The following ADGRL3 variants were observed in gnomAD, a reference collection of about 807,000 sequenced individuals.
The protein encoded by ADGRL3 is adhesion G protein-coupled receptor L3.
A neutral mutation model predicts 153.5 loss-of-function variants in ADGRL3; 62 were observed. That is an observed-to-expected ratio of 0.40 (90% CI 0.33 to 0.50). ADGRL3 has a LOEUF of 0.50. Ranked by LOEUF, ADGRL3 falls within the 20% of genes least tolerant of loss-of-function variation. The pLI, the probability that ADGRL3 is intolerant of heterozygous loss-of-function variation, is 0.47. For synonymous variants in ADGRL3, 710 were observed against 672.5 expected (o/e 1.06, Z -0.86); for missense variants, 1,641 against 1,859.4 (o/e 0.88, Z 2.16).
chr4:62,010,218 G>T (rs2099178695), intron 21 of ADGRL3, among the ~76,000 whole-genome samples: 1 of 152,056 alleles, frequency 6.6e-6, no homozygotes, highest in Admixed American at 6.6e-5. Context: ...AGAGGAGGCT[G>T]AACATTCTAC....
intron 4 of ADGRL3, among the ~76,000 whole-genome samples, chr4:61,539,294 C>T (rs2098676140): frequency 6.6e-6 from 1 of 152,184 alleles, no homozygotes; most frequent in South Asian, 2.1e-4. Context: ...AGGAGAGCCT[C>T]TGCTGTGTCT....
chr4:61,203,704 A>G (rs2148713977), intron 1 of ADGRL3, among the ~76,000 whole-genome samples: 1 of 152,336 alleles, frequency 6.6e-6, no homozygotes, highest in South Asian at 2.1e-4. Context: ...GAATAAACAG[A>G]GTTTGGTAAG....
intron 11 of ADGRL3, among the ~76,000 whole-genome samples, chr4:61,896,087 A>G (rs2098629820): frequency 6.6e-6 from 1 of 152,142 alleles, no homozygotes; most frequent in African/African-American, 2.4e-5. Context: ...ATTGTGCACT[A>G]CAGCTATAAA....
At chr4:61,805,450 G>A (rs1308870735) in intron 8 of ADGRL3, among the ~76,000 whole-genome samples, 1 of 152,128 alleles carries the variant, frequency 6.6e-6, no homozygotes, top group African/African-American at 2.4e-5. Flanking sequence ...CCTCTTTGTT[G>A]TGACTTCCCT....
intron 1 of ADGRL3, among the ~76,000 whole-genome samples, chr4:61,227,409 G>A (rs1748481182): frequency 6.6e-6 from 1 of 151,938 alleles, no homozygotes; most frequent in African/African-American, 2.4e-5. Flanking sequence ...GGTTCTCCCT[G>A]CGTTTCCCAG....
At chr4:61,963,247 CTA>C (rs1438585279) in intron 17 of ADGRL3, among the ~76,000 whole-genome samples, 7 of 150,014 alleles carry the variant, frequency 4.7e-5, no homozygotes, top group Non-Finnish European at 8.9e-5. Context: ...TTTACTATGA[CTA>C]TTTTTTTTTT....
At chr4:61,555,953 C>A (rs891444382) in intron 4 of ADGRL3, among the ~76,000 whole-genome samples, 1 of 152,084 alleles carries the variant, frequency 6.6e-6, no homozygotes, top group African/African-American at 2.4e-5. Flanking sequence ...TTTACTACAA[C>A]CTGTTTTATC....
At chr4:61,710,110 T>TA in intron 6 of ADGRL3, among the ~76,000 whole-genome samples, 1 of 152,216 alleles carries the variant, frequency 6.6e-6, no homozygotes, top group Non-Finnish European at 1.5e-5. Context: ...TTCTTCATCT[T>TA]ATCCAGATAG....
At chr4:61,445,300 G>T (rs948047443) in intron 2 of ADGRL3, among the ~76,000 whole-genome samples, 2 of 152,114 alleles carry the variant, frequency 1.3e-5, no homozygotes, top group African/African-American at 4.8e-5. Flanking sequence ...TAATATAAAA[G>T]AAACCCACAC....
intron 8 of ADGRL3, among the ~76,000 whole-genome samples, chr4:61,743,795 G>A (rs986112861): frequency 6.6e-6 from 1 of 152,168 alleles, no homozygotes; most frequent in Non-Finnish European, 1.5e-5. Context: ...GCAGAAAACG[G>A]GTGATTTCTG....
rs554759011 is a variant in ADGRL3 at position 61,863,331 on chromosome 4, G to A, written c.1481-29325G>A. ...CGGCTCACTGCAAGCTCCGCCTCCC[G>A]GGTTCACGCCATTCTCCTGCCTCAG... On this transcript the variant is annotated intron_variant, in intron 9 of 26. Transcript: ENST00000683033. 8.2e-4 allele frequency among the ~76,000 whole-genome samples: 109 copies of A among 132,802 alleles called. No individual in the cohort carries two copies. The Middle Eastern group carries it at 0.014, about 18-fold the overall frequency. The allele number at this position is 132,802 out of a possible 152,430, so 87.1% of individuals were successfully genotyped here.
At position 61,929,189 on chromosome 4, in the gene ADGRL3, G is replaced by T. The variant is rs532963549; in HGVS notation, c.2113-5651G>T. Among the ~76,000 whole-genome samples the T allele has an allele frequency of 4.6e-5, 7 of 152,272 alleles. No individual in the cohort carries two copies. In the South Asian group the frequency reaches 1.5e-3, roughly 32 times the overall value. On this transcript the variant is annotated intron_variant, in intron 13 of 26. Transcript: ENST00000683033. ...CCAAGAGAACAAAGCCTTCATGAAT[G>T]AATGGTACTAGTGCCCTTACAAAGG...
intron 8 of ADGRL3, among the ~76,000 whole-genome samples, chr4:61,795,020 T>C (rs1188084460): frequency 6.6e-6 from 1 of 152,220 alleles, no homozygotes. Flanking sequence ...CATGAATAAT[T>C]TTATGTCAGG....
chr4:61,259,092 C>A (rs915420041), intron 1 of ADGRL3, among the ~76,000 whole-genome samples: 1 of 152,076 alleles, frequency 6.6e-6, no homozygotes, highest in Non-Finnish European at 1.5e-5. Flanking sequence ...TAAAATCATT[C>A]ACTAGCATCT....
intron 8 of ADGRL3, among the ~76,000 whole-genome samples, chr4:61,812,002 G>A (rs963317628): frequency 1.3e-5 from 2 of 152,016 alleles, no homozygotes; most frequent in Admixed American, 1.3e-4. Flanking sequence ...TTACGATATT[G>A]TAGTTACGAT....
intron 1 of ADGRL3, among the ~76,000 whole-genome samples, chr4:61,353,791 A>G (rs2096104839): frequency 8.4e-6 from 1 of 119,670 alleles, no homozygotes; most frequent in African/African-American, 3.2e-5. Context: ...CCCGAAATAG[A>G]TGAACCAAAC....
intron 9 of ADGRL3, among the ~76,000 whole-genome samples, chr4:61,878,147 G>C (rs2098486698): frequency 6.6e-6 from 1 of 152,122 alleles, no homozygotes. Flanking sequence ...ACATCCTTTT[G>C]CTGTGTAATC....
rs7681938 is a variant in ADGRL3 at position 61,514,811 on chromosome 4, A to G, written c.56-2504A>G. Among the ~76,000 whole-genome samples the G allele has an allele frequency of 4.5e-3, 683 of 152,252 alleles. 7 individuals are homozygous for G. The highest frequency in any genetic ancestry group is 0.016 in the African/African-American group (650 of 41,552). The stretch of plus-strand genomic sequence containing the variant: ...GCCAAACAACTCTTTCTAGATCCCT[A>G]AGAGTTTGCTTCCTAGTTCTATTGA... On this transcript the variant is annotated intron_variant, in intron 3 of 26. Transcript: ENST00000683033.
intron 1 of ADGRL3, among the ~76,000 whole-genome samples, chr4:61,376,574 G>A (rs1379749863): frequency 6.6e-6 from 1 of 152,024 alleles, no homozygotes; most frequent in Non-Finnish European, 1.5e-5. Context: ...CCTGCCCCAG[G>A]TCATTAGTCC....
Sources: gnomAD v4.1 joint callset for allele counts (sites outside exome capture counted in the v4.1 genomes callset) on GRCh38, gnomAD v4.1.1 for gene constraint, MANE v1.5 for transcripts, NCBI Gene and HGNC (gene_info 2026-07-23, HGNC 2026-07-21) for gene names.